Variants in COL5A2 observed in about 807,000 individuals in gnomAD.
The protein encoded by COL5A2 is collagen alpha-2(V) chain.
COL5A2 carries 23 observed loss-of-function variants against 208.2 expected under a neutral mutation model. The observed-to-expected ratio is 0.11, with a 90% CI of 0.08 to 0.16. The LOEUF (loss-of-function observed/expected upper bound fraction) is 0.16, where lower values mean the gene tolerates loss of function less well. Among genes scored for constraint, COL5A2 ranks in the 10% least tolerant of loss-of-function variants. COL5A2 has a pLI of 1.00. For synonymous variants in COL5A2, 625 were observed against 628.5 expected (o/e 0.99, Z 0.08); for missense variants, 1,590 against 1,956.4 (o/e 0.81, Z 3.53).
chr2:189,267,494 TAAG>T, the COL5A2 span, among the ~76,000 whole-genome samples: 1 of 152,088 alleles, frequency 6.6e-6, no homozygotes, highest in East Asian at 1.9e-4. Flanking sequence ...AATAATTGCC[TAAG>T]AAGAAGAAAA....
the COL5A2 span, among the ~76,000 whole-genome samples, chr2:189,324,842 A>G: frequency 6.6e-6 from 1 of 152,208 alleles, no homozygotes; most frequent in African/African-American, 2.4e-5. Flanking sequence ...AATATAAATC[A>G]TGCTACTATA....
chr2:189,345,374 T>C, the COL5A2 span, among the ~76,000 whole-genome samples: 1 of 152,068 alleles, frequency 6.6e-6, no homozygotes, highest in African/African-American at 2.4e-5. Context: ...AGGCTGAAGA[T>C]ATGGATTTAG....
intron 1 of COL5A2, among the ~76,000 whole-genome samples, chr2:189,206,900 C>T (rs1689149764): frequency 6.6e-6 from 1 of 152,152 alleles, no homozygotes. Context: ...AAATAAGAAC[C>T]TGTAAATTCT....
At chr2:189,226,111 TA>T (rs2105883500), upstream of COL5A2, among the ~76,000 whole-genome samples, 1 of 152,294 alleles carries the variant, frequency 6.6e-6, no homozygotes, top group Admixed American at 6.5e-5. Flanking sequence ...CCGGATGCAA[TA>T]AAAGTGCTTA....
chr2:189,293,945 G>A, the COL5A2 span, among the ~76,000 whole-genome samples: 9 of 152,058 alleles, frequency 5.9e-5, no homozygotes, highest in Admixed American at 2.0e-4. Flanking sequence ...AAAATTAGCC[G>A]GGCATGGTGG....
the COL5A2 span, among the ~76,000 whole-genome samples, chr2:189,387,716 A>T: frequency 6.6e-6 from 1 of 152,214 alleles, no homozygotes; most frequent in Non-Finnish European, 1.5e-5. Flanking sequence ...AATGCAGTGC[A>T]GTTTACAATG....
At chr2:189,290,781 C>T in the COL5A2 span, among the ~76,000 whole-genome samples, 2 of 147,710 alleles carry the variant, frequency 1.4e-5, no homozygotes, top group South Asian at 4.3e-4. Context: ...GAAAGGAAAC[C>T]TCAAATACAT....
chr2:189,377,341 C>T, the COL5A2 span, among the ~76,000 whole-genome samples: 4 of 152,170 alleles, frequency 2.6e-5, no homozygotes, highest in African/African-American at 9.7e-5. Context: ...AAACATTTCA[C>T]GCCTGTATTA....
chr2:189,142,313 G>A (rs893456019), intron 1 of COL5A2, among the ~76,000 whole-genome samples: 2 of 151,788 alleles, frequency 1.3e-5, no homozygotes, highest in Non-Finnish European at 2.9e-5. Flanking sequence ...TATGATATAT[G>A]TATACCATAG....
chr2:189,100,044 C>A, intron 4 of COL5A2, 63 bp downstream of exon 4: 2 of 1,360,610 alleles, frequency 1.5e-6, no homozygotes, highest in Non-Finnish European at 2.1e-6. Flanking sequence ...CAATAATATA[C>A]AATTATACTA....
chr2:189,242,727 T>A, the COL5A2 span, among the ~76,000 whole-genome samples: 1 of 152,298 alleles, frequency 6.6e-6, no homozygotes, highest in Non-Finnish European at 1.5e-5. Context: ...AAGTATAAAG[T>A]GGGAAGTTTG....
At chr2:189,215,330 T>TAAGCAG (rs1267256769) in intron 1 of COL5A2, among the ~76,000 whole-genome samples, 1 of 152,160 alleles carries the variant, frequency 6.6e-6, no homozygotes, top group Non-Finnish European at 1.5e-5. Flanking sequence ...CAGTAGCCAC[T>TAAGCAG]AAGCAGAAGT....
rs778772276 is a variant in COL5A2 at position 189,097,345 on chromosome 2, GATGATT to G, written c.403-21_403-16del. 1.2e-6 allele frequency: 2 copies of G among 1,613,684 alleles called. No homozygotes were observed. The highest frequency in any genetic ancestry group is 1.7e-6 in the Non-Finnish European group (2 of 1,179,676). The stretch of plus-strand genomic sequence containing the variant: ...CCTGGAGGTCCCTAAAACAGAAAAT[GATGATT>G]ATGCATGCAAAAATGTATACTTTCT... On this transcript the variant is annotated splice_polypyrimidine_tract_variant and intron_variant, in intron 5 of 53. Coordinates refer to ENST00000374866, the MANE Select transcript of COL5A2 (RefSeq NM_000393.5).
chr2:189,187,280 T>C (rs1234771755), intron 1 of COL5A2, among the ~76,000 whole-genome samples: 1 of 152,206 alleles, frequency 6.6e-6, no homozygotes, highest in South Asian at 2.1e-4. Flanking sequence ...AATGGCCTCA[T>C]ATATTGGTTT....
chr2:189,306,810 G>A, the COL5A2 span, among the ~76,000 whole-genome samples: 1 of 152,216 alleles, frequency 6.6e-6, no homozygotes, highest in African/African-American at 2.4e-5. Context: ...AAGTACAAGA[G>A]TTTATCACTT....
the COL5A2 span, among the ~76,000 whole-genome samples, chr2:189,411,177 G>A: frequency 6.6e-6 from 1 of 151,812 alleles, no homozygotes; most frequent in East Asian, 1.9e-4. Context: ...TAATATTGAC[G>A]CCCAACTCCA....
the COL5A2 span, among the ~76,000 whole-genome samples, chr2:189,248,655 T>C: frequency 6.6e-6 from 1 of 152,168 alleles, no homozygotes; most frequent in South Asian, 2.1e-4. Flanking sequence ...ATGTGGCTTT[T>C]AAAAATAAGC....
At chr2:189,047,453 T>C (rs1685694825) in intron 45 of COL5A2, among the ~76,000 whole-genome samples, 1 of 152,138 alleles carries the variant, frequency 6.6e-6, no homozygotes, top group South Asian at 2.1e-4. Context: ...TGTAGTGGAG[T>C]GTTTAAACAT....
rs1057368159 is a variant in COL5A2 at position 189,203,967 on chromosome 2, G to A, written c.-42+21181C>T. ...GGCTGGAGTGCAGTGGCGCCATCTCGGCTCACTGCAAGCTCTGCCTCCCGG... is the reference window on the plus strand; with the variant it reads ...GGCTGGAGTGCAGTGGCGCCATCTCAGCTCACTGCAAGCTCTGCCTCCCGG... On this transcript the variant is annotated intron_variant, in intron 1 of 10. Transcript: ENST00000649966. 3.3e-5 allele frequency among the ~76,000 whole-genome samples: 5 copies of A among 151,012 alleles called. No individual in the cohort carries two copies. The East Asian group carries it at 5.9e-4, about 18-fold the overall frequency.
Sources: allele counts gnomAD v4.1 joint callset (sites outside exome capture counted in the v4.1 genomes callset), GRCh38; gene constraint gnomAD v4.1.1; transcripts MANE v1.5; gene names NCBI Gene and HGNC (gene_info 2026-07-23, HGNC 2026-07-21).